Variants in CLVS1 observed in about 807,000 individuals in gnomAD.
CLVS1 encodes the protein clavesin 1.
CLVS1 carries 10 observed loss-of-function variants against 33.1 expected under a neutral mutation model. The observed-to-expected ratio is 0.30, with a 90% CI of 0.19 to 0.51. CLVS1 has a LOEUF of 0.51. Among genes scored for constraint, CLVS1 ranks in the 20% least tolerant of loss-of-function variants. CLVS1 has a pLI of 0.97. For synonymous variants in CLVS1, 163 were observed against 166.1 expected (o/e 0.98, Z 0.14); for missense variants, 343 against 433.4 (o/e 0.79, Z 1.85).
At chr8:61,254,843 G>A (rs1329695775) in intron 2 of CLVS1, among the ~76,000 whole-genome samples, 2 of 152,176 alleles carry the variant, frequency 1.3e-5, no homozygotes, top group African/African-American at 4.8e-5. Context: ...CTAGAAAAGG[G>A]AATTCCCCAA....
At position 61,232,023 on chromosome 8, in the gene CLVS1, G is replaced by GTTTGTTTGTTTGTTTTTTTTTTTT; in HGVS notation, c.-151-67651_-151-67650insGTTTGTTTGTTTTTTTTTTTTTTT. ...AGAAGGAGCCCTGAGGAAAGTTGTGGTTTTTTTTTTTTTTTTTTTTTTTTT... is the reference window on the plus strand; with the variant it reads ...AGAAGGAGCCCTGAGGAAAGTTGTGGTTTGTTTGTTTGTTTTTTTTTTTTTTTTTTTTTTTTTTTTTTTTTTTTT... On this transcript the variant is annotated intron_variant, in intron 2 of 2. Coordinates refer to the CLVS1 transcript ENST00000522621. Among the ~76,000 whole-genome samples, 12 of 62,648 alleles carry GTTTGTTTGTTTGTTTTTTTTTTTT rather than the reference G, an allele frequency of 1.9e-4. 2 individuals carry two copies. Among genetic ancestry groups the GTTTGTTTGTTTGTTTTTTTTTTTT allele is most frequent in the African/African-American group, 4.3e-4 (9 of 21,112 alleles). 41.1% of individuals were successfully genotyped at this position (62,648 alleles called of 152,430 possible). A position where few individuals can be genotyped will look rare whatever the true frequency, so the allele number is the denominator to read the frequency against.
Position 61,079,232 on chromosome 8 carries a change from C to T in CLVS1, c.-243+22002C>T, listed in dbSNP as rs978918683. Reference sequence around the variant, plus strand: ...CAAAACAAAACCTTTTGTTTTTACTCTTTATGTTTTATTCCCTCTTCAGGG... The same window carrying T: ...CAAAACAAAACCTTTTGTTTTTACTTTTTATGTTTTATTCCCTCTTCAGGG... On this transcript the variant is annotated intron_variant, in intron 1 of 2. Transcript: ENST00000522621. 5.9e-5 allele frequency among the ~76,000 whole-genome samples: 9 copies of T among 152,236 alleles called. No individual in the cohort carries two copies. The East Asian group carries it at 1.2e-3, about 20-fold the overall frequency.
At chr8:61,270,993 G>T (rs1332480923) in intron 2 of CLVS1, among the ~76,000 whole-genome samples, 3 of 150,218 alleles carry the variant, frequency 2.0e-5, no homozygotes, top group East Asian at 1.9e-4. Flanking sequence ...TTTTTGAAGG[G>T]TTTTTTGTGT....
chr8:61,445,325 T>C (rs1816713609), intron 3 of CLVS1, among the ~76,000 whole-genome samples: 1 of 152,206 alleles, frequency 6.6e-6, no homozygotes, highest in Non-Finnish European at 1.5e-5. Flanking sequence ...CCACTCCAAA[T>C]TGATGGAGGC....
intron 1 of CLVS1, among the ~76,000 whole-genome samples, chr8:61,100,261 T>A (rs1326543334): frequency 1.3e-5 from 2 of 152,212 alleles, no homozygotes; most frequent in East Asian, 3.8e-4. Context: ...TTCAATGCAT[T>A]ATGAGGCATT....
chr8:61,275,426 C>G (rs1809541766), intron 2 of CLVS1, among the ~76,000 whole-genome samples: 1 of 152,164 alleles, frequency 6.6e-6, no homozygotes, highest in African/African-American at 2.4e-5. Flanking sequence ...CAGTTTACCT[C>G]CCAAATATCC....
chr8:61,490,456 C>T (rs1373081366), intron 5 of CLVS1, among the ~76,000 whole-genome samples: 13 of 150,696 alleles, frequency 8.6e-5, no homozygotes, highest in African/African-American at 2.9e-4. Flanking sequence ...ATCACCAGGT[C>T]AAGAGATTGA....
intron 3 of CLVS1, among the ~76,000 whole-genome samples, chr8:61,450,548 G>C (rs1845255): frequency 0.044 from 6,738 of 152,220 alleles, 319 homozygotes; most frequent in South Asian, 0.2. Context: ...TCGTCATGTA[G>C]TAGATACTCA....
chr8:61,294,246 T>C (rs1810106033), intron 1 of CLVS1, among the ~76,000 whole-genome samples: 1 of 152,148 alleles, frequency 6.6e-6, no homozygotes, highest in South Asian at 2.1e-4. Flanking sequence ...GTGGGTAAAG[T>C]AGGTTTGAGT....
At chr8:61,298,339 C>T (rs1183501922) in intron 1 of CLVS1, among the ~76,000 whole-genome samples, 1 of 152,106 alleles carries the variant, frequency 6.6e-6, no homozygotes, top group African/African-American at 2.4e-5. Flanking sequence ...GAGAACATCA[C>T]AGAGATAAAT....
chr8:61,269,129 T>C lies in CLVS1; in HGVS notation c.-151-30548T>C, dbSNP rs1436491517. Among the ~76,000 whole-genome samples, 4 of 148,712 alleles carry C rather than the reference T, an allele frequency of 2.7e-5. No individual in the cohort carries two copies. In the South Asian group the frequency reaches 6.6e-4, roughly 25 times the overall value. On this transcript the variant is annotated intron_variant, in intron 2 of 2. Coordinates refer to the CLVS1 transcript ENST00000522621. ...CTGAATGGTAATGCCTAGGTTTTCT[T>C]CTAGGGTTTTTATGGTTTTAGGTCT... is the stretch of plus-strand genomic sequence containing the variant.
chr8:61,480,537 A>G (rs1818147448), intron 5 of CLVS1, among the ~76,000 whole-genome samples: 1 of 152,164 alleles, frequency 6.6e-6, no homozygotes, highest in East Asian at 1.9e-4. Flanking sequence ...TTCCCAGGTG[A>G]GGTGATGCCT....
the CLVS1 span, among the ~76,000 whole-genome samples, chr8:60,998,711 A>T: frequency 6.6e-6 from 1 of 152,182 alleles, no homozygotes; most frequent in Non-Finnish European, 1.5e-5. Context: ...GAAAGTCTCA[A>T]TTTAAAAAGG....
chr8:61,245,830 G>A (rs1003444000), intron 2 of CLVS1, among the ~76,000 whole-genome samples: 1 of 151,892 alleles, frequency 6.6e-6, no homozygotes, highest in Non-Finnish European at 1.5e-5. Context: ...GGGCAGTGTT[G>A]TGATCATCGG....
In CLVS1 at chr8:61,501,411, CTAAGT is replaced by C. The variant is rs751106847; in HGVS notation, c.*1874_*1878del. ...GATTTTAAATACCATATTATATTTACTAAGTTAAGAGCTAGTTTTTACTCTCTTCC... is the reference window on the plus strand; with the variant it reads ...GATTTTAAATACCATATTATATTTACTAAGAGCTAGTTTTTACTCTCTTCC... On this transcript the variant is annotated 3_prime_UTR_variant, in exon 6 of 6. Transcript: ENST00000325897. The C allele has an allele frequency of 1.6e-4, 24 of 152,256 alleles. No individual in the cohort carries two copies. Among genetic ancestry groups the C allele is most frequent in the East Asian group, 1.2e-3 (6 of 5,190 alleles). 9.4% of individuals were successfully genotyped at this position (152,256 alleles called of 1,614,324 possible). A position where few individuals can be genotyped will look rare whatever the true frequency, so the allele number is the denominator to read the frequency against.
chr8:61,187,693 C>A (rs1018203799), intron 2 of CLVS1, among the ~76,000 whole-genome samples: 1 of 151,694 alleles, frequency 6.6e-6, no homozygotes, highest in East Asian at 1.9e-4. Context: ...GTTGCTTGGA[C>A]CAGCTGTCTC....
At chr8:61,178,578 T>C (rs1023117952) in intron 2 of CLVS1, among the ~76,000 whole-genome samples, 2 of 151,366 alleles carry the variant, frequency 1.3e-5, no homozygotes, top group Admixed American at 6.6e-5. Flanking sequence ...AAGGAAAAAA[T>C]GTTAAGGGCA....
At chr8:61,271,225 T>C (rs373335879) in intron 2 of CLVS1, among the ~76,000 whole-genome samples, 23 of 149,336 alleles carry the variant, frequency 1.5e-4, no homozygotes, top group Non-Finnish European at 2.4e-4. Flanking sequence ...TCTTTGTTCT[T>C]GTTGGTTTCA....
intron 2 of CLVS1, among the ~76,000 whole-genome samples, chr8:61,152,937 A>G (rs1015131320): frequency 1.5e-4 from 23 of 152,126 alleles, no homozygotes; most frequent in Admixed American, 2.6e-4. Context: ...CACTTTCAGA[A>G]GGTGGGCGGA....
Sources: allele counts gnomAD v4.1 joint callset (sites outside exome capture counted in the v4.1 genomes callset), GRCh38; gene constraint gnomAD v4.1.1; transcripts MANE v1.5; gene names NCBI Gene and HGNC (gene_info 2026-07-23, HGNC 2026-07-21).